PLCG2: variants seen among roughly 807,000 people sequenced by gnomAD.
The protein encoded by PLCG2 is phospholipase C gamma 2.
PLCG2 carries 69 observed loss-of-function variants against 175.6 expected under a neutral mutation model. That is an observed-to-expected ratio of 0.39 (90% CI 0.32 to 0.48). The LOEUF (loss-of-function observed/expected upper bound fraction) is 0.48, where lower values mean the gene tolerates loss of function less well. Ranked by LOEUF, PLCG2 falls within the 20% of genes least tolerant of loss-of-function variation. The pLI, the probability that PLCG2 is intolerant of heterozygous loss-of-function variation, is 0.91. For missense variants in PLCG2, 1,798 were observed against 1,650.9 expected, an observed-to-expected ratio of 1.09 and a Z score of -1.54; for synonymous variants, 827 against 624.0, an observed-to-expected ratio of 1.33 and a Z score of -4.85.
intron 2 of PLCG2, among the ~76,000 whole-genome samples, chr16:81,835,086 A>G (rs1372432298): frequency 6.6e-6 from 1 of 152,036 alleles, no homozygotes; most frequent in Non-Finnish European, 1.5e-5. Flanking sequence ...TCCAGGTGCC[A>G]CTTACTTGGT....
rs71712849 is a variant in PLCG2, at chr16:81,873,553, G to GTT, written c.648+2630_648+2631dup. Among the ~76,000 whole-genome samples, 79 of 146,300 alleles carry GTT rather than the reference G, an allele frequency of 5.4e-4. 2 individuals carry two copies. The South Asian group carries it at 0.01, about 19-fold the overall frequency. On this transcript the variant is annotated intron_variant, in intron 7 of 32. Transcript: ENST00000564138. Reference sequence around the variant, plus strand: ...TCAAGATAAGTAGTTGCAAATAACAGTTTTTTTTTTTTTAATAATAGTTTA... The same window carrying GTT: ...TCAAGATAAGTAGTTGCAAATAACAGTTTTTTTTTTTTTTTAATAATAGTTTA...
At chr16:81,802,273 C>T (rs1036226022) in intron 2 of PLCG2, among the ~76,000 whole-genome samples, 3 of 151,706 alleles carry the variant, frequency 2.0e-5, no homozygotes, top group Admixed American at 6.6e-5. Flanking sequence ...CCACCGCGCC[C>T]AGCTAATTTT....
At position 81,954,205 on chromosome 16, in the gene PLCG2, T is replaced by C. The variant is rs144116792; in HGVS notation, c.3571-2490T>C. Among the ~76,000 whole-genome samples, 660 of 152,192 alleles carry C rather than the reference T, an allele frequency of 4.3e-3. 4 individuals are homozygous for C. Among genetic ancestry groups the C allele is most frequent in the Non-Finnish European group, 8.0e-3 (544 of 68,004 alleles). ...CCTGGCTAATTTCTTTCATTTTTTA[T>C]AGTAACAGGGTCCCGCTATGTTGCC... is the stretch of plus-strand genomic sequence containing the variant. On this transcript the variant is annotated intron_variant, in intron 31 of 32. Coordinates refer to ENST00000564138, the MANE Select transcript of PLCG2 (RefSeq NM_002661.5).
chr16:81,813,005 G>C (rs9708320), intron 2 of PLCG2, among the ~76,000 whole-genome samples: 1 of 152,172 alleles, frequency 6.6e-6, no homozygotes, highest in Non-Finnish European at 1.5e-5. Flanking sequence ...TGTTATTTCT[G>C]AGGTCTGTGT....
chr16:81,844,936 T>TTCTC lies in PLCG2; in HGVS notation c.194-9505_194-9504insCTCT, dbSNP rs112720754. 4.5e-4 allele frequency among the ~76,000 whole-genome samples: 69 copies of TTCTC among 152,284 alleles called. 2 individuals are homozygous for TTCTC. The highest frequency in any genetic ancestry group is 1.6e-3 in the African/African-American group (67 of 41,572). On this transcript the variant is annotated intron_variant, in intron 2 of 32. Coordinates refer to ENST00000564138, the MANE Select transcript of PLCG2 (RefSeq NM_002661.5). ...CAAATAAATTGAGACACCATGTTCT[T>TTCTC]TCTTTTTTTCTGAGACAGGGTCTTG...
chr16:81,911,642 G>A (rs1183264308), intron 18 of PLCG2, among the ~76,000 whole-genome samples: 5 of 151,494 alleles, frequency 3.3e-5, no homozygotes, highest in African/African-American at 7.3e-5. Context: ...ACCGGGTCTC[G>A]CTCTGTCTCC....
chr16:81,957,106 G>T (rs559171990), intron 32 of PLCG2, among the ~76,000 whole-genome samples: 11 of 151,902 alleles, frequency 7.2e-5, no homozygotes, highest in African/African-American at 2.7e-4. Context: ...CAAGACCAGC[G>T]TGCCCAACAT....
chr16:81,866,665 C>T (rs528879850), intron 5 of PLCG2, among the ~76,000 whole-genome samples: 4 of 126,252 alleles, frequency 3.2e-5, no homozygotes, highest in African/African-American at 1.1e-4. Flanking sequence ...ACTGGGGCAC[C>T]AGCGTGAGAG....
At chr16:81,778,600 C>G (rs1910565078), upstream of PLCG2, among the ~76,000 whole-genome samples, 1 of 152,110 alleles carries the variant, frequency 6.6e-6, no homozygotes, top group South Asian at 2.1e-4. Flanking sequence ...CATCAATTGT[C>G]TGGGGTTCTT....
intron 14 of PLCG2, 38 bp downstream of exon 14, chr16:81,900,818 G>T: frequency 1.3e-6 from 2 of 1,571,918 alleles, no homozygotes; most frequent in African/African-American, 1.3e-5. Context: ...TGTCCAGGGA[G>T]CCCAGTGGCT....
chr16:81,837,861 C>T (rs1244818199), intron 2 of PLCG2, among the ~76,000 whole-genome samples: 1 of 152,036 alleles, frequency 6.6e-6, no homozygotes, highest in Non-Finnish European at 1.5e-5. Flanking sequence ...GTATCACAGC[C>T]AGGATATTAA....
intron 1 of PLCG2, among the ~76,000 whole-genome samples, chr16:81,785,248 G>A (rs1014480385): frequency 8.6e-5 from 13 of 151,968 alleles, no homozygotes; most frequent in African/African-American, 2.2e-4. Context: ...GGTGCTGGCC[G>A]TCACCCCAGG....
At chr16:81,808,227 C>T (rs900838465) in intron 2 of PLCG2, among the ~76,000 whole-genome samples, 1 of 152,204 alleles carries the variant, frequency 6.6e-6, no homozygotes, top group Non-Finnish European at 1.5e-5. Flanking sequence ...CCTTTTGAGG[C>T]ACCACCAGCC....
rs1199387746 is a variant in PLCG2, at chr16:81,880,906, T to G, written c.649-4T>G. 3 of 1,614,010 alleles carry G rather than the reference T, an allele frequency of 1.9e-6. No homozygotes were observed. Among genetic ancestry groups the G allele is most frequent in the African/African-American group, 2.7e-5 (2 of 74,950 alleles). On this transcript the variant is annotated splice_polypyrimidine_tract_variant and splice_region_variant and intron_variant, in intron 7 of 32. Coordinates refer to ENST00000564138, the MANE Select transcript of PLCG2 (RefSeq NM_002661.5). ...CTTTTTTTTGTGTGTGCTTTCCATT[T>G]CAGATTCTCGATGAATTCAAAAAGG...
At chr16:81,867,827 A>T (rs1330250030) in intron 5 of PLCG2, among the ~76,000 whole-genome samples, 1 of 152,038 alleles carries the variant, frequency 6.6e-6, no homozygotes, top group Non-Finnish European at 1.5e-5. Flanking sequence ...CCTCCTGAGT[A>T]GCTGGGACTA....
chr16:81,750,467 G>T (rs934837218), intron 1 of PLCG2, among the ~76,000 whole-genome samples: 1 of 150,672 alleles, frequency 6.6e-6, no homozygotes, highest in Admixed American at 6.6e-5. Flanking sequence ...CCCACTTCTG[G>T]ATATTTACCC....
chr16:81,829,843 A>G (rs1162498609), intron 2 of PLCG2, among the ~76,000 whole-genome samples: 1 of 151,368 alleles, frequency 6.6e-6, no homozygotes, highest in Non-Finnish European at 1.5e-5. Flanking sequence ...GTAGCTGTGG[A>G]TGGGGAAGGA....
chr16:81,840,312 CT>C (rs1327726813), intron 2 of PLCG2, among the ~76,000 whole-genome samples: 1 of 152,116 alleles, frequency 6.6e-6, no homozygotes, highest in Non-Finnish European at 1.5e-5. Context: ...CAGTCCCAGA[CT>C]TTTTTGGCAC....
chr16:81,923,452 G>C, intron 21 of PLCG2, 33 bp from the exon 22 acceptor site: 1 of 1,418,456 alleles, frequency 7.0e-7, no homozygotes, highest in Non-Finnish European at 1.0e-6. Context: ...CCTGTCCCTG[G>C]CCTGACCTTT....
Sources: allele counts gnomAD v4.1 joint callset (sites outside exome capture counted in the v4.1 genomes callset), GRCh38; gene constraint gnomAD v4.1.1; transcripts MANE v1.5; gene names NCBI Gene and HGNC (gene_info 2026-07-23, HGNC 2026-07-21).